Variants in NRP1 observed in about 807,000 individuals in gnomAD.
NRP1 encodes the protein neuropilin-1.
Under a neutral mutation model 106.7 loss-of-function variants are expected in NRP1, and 35 were observed. The observed-to-expected ratio is 0.33, with a 90% CI of 0.25 to 0.43. NRP1 has a LOEUF of 0.43. NRP1 is among the 20% of genes least tolerant of loss of function. NRP1 has a pLI of 1.00. For synonymous variants in NRP1, 437 were observed against 417.9 expected, an observed-to-expected ratio of 1.05 and a Z score of -0.56; for missense variants, 1,024 against 1,170.4, an observed-to-expected ratio of 0.87 and a Z score of 1.83.
chr10:33,221,910 T>C, intron 7 of NRP1, 47 bp from the exon 8 acceptor site: 1 of 1,568,594 alleles, frequency 6.4e-7, no homozygotes, highest in Non-Finnish European at 8.7e-7. Context: ...GTTTTGGATT[T>C]AAATCCATAA....
At chr10:33,319,241 C>T (rs902002499) in intron 2 of NRP1, among the ~76,000 whole-genome samples, 17 of 151,844 alleles carry the variant, frequency 1.1e-4, no homozygotes, top group Non-Finnish European at 2.1e-4. Context: ...CTCCTGACCT[C>T]GTGATCCGCC....
chr10:33,310,266 T>TTC (rs1846498477), intron 2 of NRP1, among the ~76,000 whole-genome samples: 1 of 146,768 alleles, frequency 6.8e-6, no homozygotes, highest in African/African-American at 2.5e-5. Context: ...TTTTTTTTTT[T>TTC]TCGAGACAGA....
intron 11 of NRP1, among the ~76,000 whole-genome samples, chr10:33,200,749 G>C (rs1320673152): frequency 1.3e-5 from 2 of 152,218 alleles, no homozygotes; most frequent in African/African-American, 2.4e-5. Context: ...GTCTGGGTTA[G>C]GTGAGGTTTT....
intron 4 of NRP1, among the ~76,000 whole-genome samples, chr10:33,258,778 G>A (rs532119044): frequency 6.6e-6 from 1 of 151,794 alleles, no homozygotes; most frequent in Non-Finnish European, 1.5e-5. Context: ...TCTGGAGCAC[G>A]AAGTTGTCCA....
chr10:33,246,583 A>AACACACAC (rs59215824), intron 6 of NRP1, among the ~76,000 whole-genome samples: 3,838 of 137,690 alleles, frequency 0.028, 105 homozygotes, highest in African/African-American at 0.071. Flanking sequence ...AGTTGCAATA[A>AACACACAC]ACACACACAC....
intron 2 of NRP1, among the ~76,000 whole-genome samples, chr10:33,287,332 T>C (rs1479860944): frequency 2.0e-5 from 3 of 152,230 alleles, no homozygotes; most frequent in Non-Finnish European, 4.4e-5. Flanking sequence ...ATTTCTTCCA[T>C]GGCAATTTTC....
At chr10:33,185,564 C>T in intron 15 of NRP1, 64 bp downstream of exon 15, 1 of 1,236,814 alleles carries the variant, frequency 8.1e-7, no homozygotes, top group East Asian at 2.4e-5. Context: ...CAAAGACCAT[C>T]ATATTGGCAA....
At chr10:33,224,421 T>C (rs1434513366) in intron 7 of NRP1, among the ~76,000 whole-genome samples, 5 of 152,056 alleles carry the variant, frequency 3.3e-5, no homozygotes, top group South Asian at 2.1e-4. Context: ...TAACAAAAAA[T>C]GGTCATGTTG....
chr10:33,317,576 A>G (rs1032105384), intron 2 of NRP1, among the ~76,000 whole-genome samples: 1 of 152,222 alleles, frequency 6.6e-6, no homozygotes, highest in African/African-American at 2.4e-5. Context: ...ATTGTCAAGG[A>G]CTGGCAACCC....
At chr10:33,208,897 GC>G (rs1838042478) in intron 9 of NRP1, among the ~76,000 whole-genome samples, 1 of 135,238 alleles carries the variant, frequency 7.4e-6, no homozygotes, top group Non-Finnish European at 1.6e-5. Flanking sequence ...TTTTAGAGCA[GC>G]CTTTTTTTTT....
intron 8 of NRP1, among the ~76,000 whole-genome samples, chr10:33,216,426 G>A (rs936555263): frequency 4.7e-5 from 7 of 149,190 alleles, no homozygotes; most frequent in Non-Finnish European, 7.4e-5. Flanking sequence ...GAGCCACGGC[G>A]CCTGGCCCCT....
Position 33,262,330 on chromosome 10 carries a change from A to C in NRP1, c.658+1316T>G, listed in dbSNP as rs185482027. 1.1e-3 allele frequency among the ~76,000 whole-genome samples: 160 copies of C among 152,310 alleles called. 1 individual carries two copies. The highest frequency in any genetic ancestry group is 2.5e-3 in the Admixed American group (38 of 15,298). On this transcript the variant is annotated intron_variant, in intron 4 of 16. Coordinates refer to ENST00000374867, the MANE Select transcript of NRP1 (RefSeq NM_003873.7). ...CTTCTAATTCACAAGAGTGGAATGGAAAACTTTCATTTAGATGTCCATATG... is the reference window on the plus strand; with the variant it reads ...CTTCTAATTCACAAGAGTGGAATGGCAAACTTTCATTTAGATGTCCATATG...
intron 13 of NRP1, among the ~76,000 whole-genome samples, chr10:33,189,820 T>C (rs1020278598): frequency 6.6e-6 from 1 of 152,248 alleles, no homozygotes; most frequent in Non-Finnish European, 1.5e-5. Flanking sequence ...ATCTACTCTC[T>C]AATGTCAGTC....
intron 10 of NRP1, among the ~76,000 whole-genome samples, chr10:33,204,460 A>G (rs908238797): frequency 9.2e-5 from 14 of 152,234 alleles, no homozygotes; most frequent in African/African-American, 3.1e-4. Flanking sequence ...CTGAAACAGT[A>G]GTATCTCCTC....
intron 2 of NRP1, among the ~76,000 whole-genome samples, chr10:33,307,436 G>T (rs866910356): frequency 1.3e-5 from 2 of 151,988 alleles, no homozygotes; most frequent in African/African-American, 4.8e-5. Context: ...CTATCTGGCC[G>T]TTTTCAGAAA....
chr10:33,249,055 T>A (rs1841637022), intron 6 of NRP1, among the ~76,000 whole-genome samples: 1 of 151,104 alleles, frequency 6.6e-6, no homozygotes, highest in African/African-American at 2.4e-5. Context: ...ACAACAAAGT[T>A]CATATCCCAC....
At chr10:33,295,787 C>A (rs1054112223) in intron 2 of NRP1, among the ~76,000 whole-genome samples, 1 of 151,998 alleles carries the variant, frequency 6.6e-6, no homozygotes, top group South Asian at 2.1e-4. Flanking sequence ...GTAGATAAAA[C>A]AAATTAAAAG....
intron 13 of NRP1, among the ~76,000 whole-genome samples, chr10:33,190,752 A>G (rs1836346259): frequency 6.6e-6 from 1 of 151,898 alleles, no homozygotes; most frequent in South Asian, 2.1e-4. Flanking sequence ...AAGTTCATGG[A>G]TTGGGCGTTT....
chr10:33,210,226 G>A (rs767029342), intron 9 of NRP1, among the ~76,000 whole-genome samples: 5 of 151,094 alleles, frequency 3.3e-5, no homozygotes, highest in Non-Finnish European at 5.9e-5. Context: ...ATTCACTATC[G>A]GGGTTCTGCA....
Sources: allele counts gnomAD v4.1 joint callset (sites outside exome capture counted in the v4.1 genomes callset), GRCh38; gene constraint gnomAD v4.1.1; transcripts MANE v1.5; gene names NCBI Gene and HGNC (gene_info 2026-07-23, HGNC 2026-07-21).